SPAG16: variants seen among roughly 807,000 people sequenced by gnomAD.
SPAG16 encodes the protein sperm-associated antigen 16 protein.
SPAG16 carries 86 observed loss-of-function variants against 80.4 expected under a neutral mutation model. The observed-to-expected ratio is 1.07, with a 90% CI of 0.90 to 1.28. SPAG16 has a LOEUF of 1.28. Among genes scored for constraint, SPAG16 ranks in the 50% most tolerant of loss-of-function variants. The pLI, the probability that SPAG16 is intolerant of heterozygous loss-of-function variation, is 0.00. For missense variants in SPAG16, 870 were observed against 765.3 expected, an observed-to-expected ratio of 1.14 and a Z score of -1.61; for synonymous variants, 294 against 265.9, an observed-to-expected ratio of 1.11 and a Z score of -1.03.
At chr2:214,019,784 G>C (rs1041839612) in intron 13 of SPAG16, among the ~76,000 whole-genome samples, 11 of 152,056 alleles carry the variant, frequency 7.2e-5, no homozygotes, top group African/African-American at 2.7e-4. Flanking sequence ...AGCCATATTT[G>C]ATTTAGTAAT....
chr2:214,050,620 T>C (rs2049594121), intron 13 of SPAG16, among the ~76,000 whole-genome samples: 1 of 152,196 alleles, frequency 6.6e-6, no homozygotes, highest in South Asian at 2.1e-4. Context: ...ACTCCATATA[T>C]GTGTATATAT....
chr2:213,958,747 T>A (rs537277810), intron 12 of SPAG16, among the ~76,000 whole-genome samples: 2 of 152,342 alleles, frequency 1.3e-5, no homozygotes, highest in African/African-American at 4.8e-5. Context: ...GACTTTTTTT[T>A]AATGTGTTAG....
At chr2:214,352,170 C>T (rs1034219964) in intron 15 of SPAG16, among the ~76,000 whole-genome samples, 18 of 152,286 alleles carry the variant, frequency 1.2e-4, no homozygotes, top group African/African-American at 4.3e-4. Flanking sequence ...CCTCTTAATA[C>T]CATCACATTG....
chr2:213,859,896 C>G (rs148578546), intron 10 of SPAG16, among the ~76,000 whole-genome samples: 202 of 152,260 alleles, frequency 1.3e-3, no homozygotes, highest in African/African-American at 4.5e-3. Context: ...AACCCCAGCT[C>G]TTTTGAGCTT....
At chr2:214,403,456 A>G (rs1701827944) in intron 15 of SPAG16, among the ~76,000 whole-genome samples, 2 of 151,702 alleles carry the variant, frequency 1.3e-5, no homozygotes, top group Non-Finnish European at 1.5e-5. Context: ...TCAATATGAA[A>G]ATGAGTAATA....
chr2:214,173,847 T>A lies in SPAG16; in HGVS notation c.1720+24581T>A, dbSNP rs557858041. 1.0e-3 allele frequency among the ~76,000 whole-genome samples: 152 copies of A among 152,142 alleles called. 2 individuals are homozygous for A. The highest frequency in any genetic ancestry group is 8.8e-5 in the Non-Finnish European group (6 of 67,990). ...TGCAGTAAAATACTGGCAAGCCGAATCCAGCAGCACATCAAAAAGCTTATC... is the reference window on the plus strand; with the variant it reads ...TGCAGTAAAATACTGGCAAGCCGAAACCAGCAGCACATCAAAAAGCTTATC... On this transcript the variant is annotated intron_variant, in intron 15 of 15. Coordinates refer to ENST00000331683, the MANE Select transcript of SPAG16 (RefSeq NM_024532.5).
chr2:214,143,827 A>T (rs953755863), intron 14 of SPAG16, among the ~76,000 whole-genome samples: 1 of 152,058 alleles, frequency 6.6e-6, no homozygotes, highest in African/African-American at 2.4e-5. Flanking sequence ...GTACCTTCCC[A>T]TTCTCAGTTT....
At chr2:213,428,487 C>T (rs1356118912) in intron 9 of SPAG16, among the ~76,000 whole-genome samples, 1 of 152,154 alleles carries the variant, frequency 6.6e-6, no homozygotes, top group African/African-American at 2.4e-5. Context: ...GCAGCAGTGG[C>T]AGACTTGGGC....
intron 4 of SPAG16, 68 bp downstream of exon 4, chr2:213,310,245 C>T: frequency 9.4e-7 from 1 of 1,067,150 alleles, no homozygotes; most frequent in Admixed American, 2.4e-5. Context: ...TTTTAAGTGT[C>T]TTAGGAGACT....
rs900418345 is a variant in SPAG16, at chr2:214,261,849, CTG to C, written c.1720+112586_1720+112587del. ...CTAAAGAATGTGTGATGAGAGACCT[CTG>C]TGGAATTTTGATGCAAATGTCAACC... On this transcript the variant is annotated intron_variant, in intron 15 of 15. Transcript: ENST00000331683. Among the ~76,000 whole-genome samples the C allele has an allele frequency of 3.3e-5, 5 of 152,190 alleles. 1 individual carries two copies. In the East Asian group the frequency reaches 9.6e-4, roughly 29 times the overall value.
chr2:214,196,167 GAT>G (rs1432198805), intron 15 of SPAG16, among the ~76,000 whole-genome samples: 1 of 152,020 alleles, frequency 6.6e-6, no homozygotes, highest in Non-Finnish European at 1.5e-5. Context: ...GGAAGGTGGA[GAT>G]ATAGGACAGA....
intron 13 of SPAG16, among the ~76,000 whole-genome samples, chr2:214,071,526 A>G (rs2050787124): frequency 6.6e-6 from 1 of 152,176 alleles, no homozygotes; most frequent in African/African-American, 2.4e-5. Context: ...AACCATTTGC[A>G]TAGATGACCG....
chr2:213,551,725 C>T (rs2076785489), intron 10 of SPAG16, among the ~76,000 whole-genome samples: 1 of 152,034 alleles, frequency 6.6e-6, no homozygotes, highest in African/African-American at 2.4e-5. Context: ...TTTTGCTGAC[C>T]ACTTTCTTTT....
chr2:213,903,750 A>AT (rs2077319696), intron 11 of SPAG16, among the ~76,000 whole-genome samples: 1 of 152,046 alleles, frequency 6.6e-6, no homozygotes, highest in Non-Finnish European at 1.5e-5. Context: ...TCACATTGTC[A>AT]TTTTTTGAAC....
intron 10 of SPAG16, among the ~76,000 whole-genome samples, chr2:213,645,990 T>C (rs1336238669): frequency 1.3e-5 from 2 of 152,162 alleles, no homozygotes; most frequent in African/African-American, 4.8e-5. Context: ...AGTGGGCCAG[T>C]GTCAGTTGAG....
intron 15 of SPAG16, among the ~76,000 whole-genome samples, chr2:214,388,594 A>AGT (rs150275595): frequency 0.033 from 5,059 of 152,210 alleles, 269 homozygotes; most frequent in African/African-American, 0.11. Flanking sequence ...ATAAAGTAGG[A>AGT]GTGTGTGTGT....
chr2:213,707,095 T>G (rs2065787761), intron 10 of SPAG16, among the ~76,000 whole-genome samples: 1 of 152,254 alleles, frequency 6.6e-6, no homozygotes, highest in Admixed American at 6.5e-5. Context: ...ACTGTTTCAC[T>G]GTGGGAGGTG....
intron 10 of SPAG16, among the ~76,000 whole-genome samples, chr2:213,845,534 A>C (rs1403754512): frequency 6.6e-6 from 1 of 152,176 alleles, no homozygotes; most frequent in Non-Finnish European, 1.5e-5. Context: ...AGTATTAATA[A>C]GTTCAAAGCA....
chr2:213,362,425 T>C (rs1317346383), intron 7 of SPAG16, among the ~76,000 whole-genome samples: 4 of 152,182 alleles, frequency 2.6e-5, no homozygotes, highest in Non-Finnish European at 4.4e-5. Context: ...GGCTGCACTT[T>C]GTAAATAATG....
Sources: allele counts gnomAD v4.1 joint callset (sites outside exome capture counted in the v4.1 genomes callset), GRCh38; gene constraint gnomAD v4.1.1; transcripts MANE v1.5; gene names NCBI Gene and HGNC (gene_info 2026-07-23, HGNC 2026-07-21).